Variants in LAMB4 observed in about 807,000 individuals in gnomAD.
The protein encoded by LAMB4 is laminin subunit beta 4.
Under a neutral mutation model 199.2 loss-of-function variants are expected in LAMB4, and 196 were observed. That is an observed-to-expected ratio of 0.98 (90% confidence interval 0.88 to 1.11). LAMB4 has a LOEUF of 1.11. Among genes scored for constraint, LAMB4 ranks in the 50% least tolerant of loss-of-function variants. The pLI, the probability that LAMB4 is intolerant of heterozygous loss-of-function variation, is 0.00. For synonymous variants in LAMB4, 744 were observed against 770.6 expected, an observed-to-expected ratio of 0.97 and a Z score of 0.57; for missense variants, 2,080 against 2,171.2, an observed-to-expected ratio of 0.96 and a Z score of 0.83.
chr7:108,116,308 A>G, intron 2 of LAMB4, 147 bp from the exon 3 acceptor site: 1 of 733,808 alleles, frequency 1.4e-6, no homozygotes, highest in South Asian at 2.8e-5. Context: ...AATAGATGAC[A>G]AATGGTCCCT....
intron 14 of LAMB4, among the ~76,000 whole-genome samples, chr7:108,082,788 CTA>C (rs1167540326): frequency 1.3e-5 from 2 of 152,272 alleles, no homozygotes; most frequent in African/African-American, 4.8e-5. Context: ...CATAAAAACA[CTA>C]TTGCAAATCA....
intron 25 of LAMB4, among the ~76,000 whole-genome samples, chr7:108,053,401 C>T (rs2035886043): frequency 6.6e-6 from 1 of 152,194 alleles, no homozygotes; most frequent in East Asian, 1.9e-4. Flanking sequence ...AATAGAACTA[C>T]ATGAGGCCTG....
chr7:108,044,955 CAAAAAAAAAA>C (rs756256335), intron 28 of LAMB4, among the ~76,000 whole-genome samples: 2 of 56,578 alleles, frequency 3.5e-5, no homozygotes, highest in African/African-American at 7.7e-5. Flanking sequence ...ATTCTTGTCT[CAAAAAAAAAA>C]AAAAAAAAAG....
chr7:108,046,916 C>A (rs1287730448), intron 28 of LAMB4, among the ~76,000 whole-genome samples: 5 of 150,974 alleles, frequency 3.3e-5, no homozygotes, highest in African/African-American at 9.7e-5. Flanking sequence ...TTATATATTT[C>A]TTTTATTATT....
At chr7:108,088,053 G>A (rs1018282351) in intron 14 of LAMB4, among the ~76,000 whole-genome samples, 1 of 152,130 alleles carries the variant, frequency 6.6e-6, no homozygotes, top group Non-Finnish European at 1.5e-5. Flanking sequence ...TCATCAGCAT[G>A]TAAGCTTTGC....
At chr7:108,126,474 C>CTTTTTTTT (rs1195603244) in intron 1 of LAMB4, among the ~76,000 whole-genome samples, 1 of 148,068 alleles carries the variant, frequency 6.8e-6, no homozygotes, top group Non-Finnish European at 1.5e-5. Flanking sequence ...CAATATTTGT[C>CTTTTTTTT]TTTTTTGTGA....
At chr7:108,043,113 T>C (rs1426225134) in intron 29 of LAMB4, among the ~76,000 whole-genome samples, 1 of 152,128 alleles carries the variant, frequency 6.6e-6, no homozygotes, top group East Asian at 1.9e-4. Flanking sequence ...CAGCTACTTT[T>C]GGTCAGCCAC....
chr7:108,065,148 T>C (rs1455355011), intron 21 of LAMB4, among the ~76,000 whole-genome samples: 1 of 152,124 alleles, frequency 6.6e-6, no homozygotes, highest in African/African-American at 2.4e-5. Context: ...CCTCAAGTAA[T>C]CCTCCCTCAC....
intron 24 of LAMB4, among the ~76,000 whole-genome samples, chr7:108,057,608 G>A (rs534939807): frequency 1.3e-5 from 2 of 152,216 alleles, no homozygotes; most frequent in South Asian, 2.1e-4. Flanking sequence ...GACAGGCTAC[G>A]AATTTTAATA....
intron 30 of LAMB4, among the ~76,000 whole-genome samples, chr7:108,035,575 C>A (rs2150495424): frequency 2.1e-5 from 2 of 95,342 alleles, no homozygotes; most frequent in Non-Finnish European, 2.1e-5. Flanking sequence ...TTTCAATGTA[C>A]TGCTTATTAT....
intron 31 of LAMB4, 146 bp from the exon 32 acceptor site, chr7:108,031,125 ATAT>A: frequency 1.7e-6 from 1 of 582,440 alleles, no homozygotes; most frequent in East Asian, 3.0e-5. Context: ...TTTATTTAAA[ATAT>A]TATAATAAAA....
chr7:108,034,302 T>G lies in LAMB4; in HGVS notation c.4724A>C (p.Gln1575Pro). 3 of 1,612,502 alleles carry G rather than the reference T, an allele frequency of 1.9e-6. No individual in the cohort carries two copies. The highest frequency in any genetic ancestry group is 2.5e-6 in the Non-Finnish European group (3 of 1,178,526). ...ILLNLDKTLNQLQQAQITQGR... is the reference protein window; with the variant it reads ...ILLNLDKTLNPLQQAQITQGR... ...TTGAGTGATTTGAGCTTGTTGTAAC[T>G]GGTTCAATGTTTTGTCAAGATTTAA... Residue 1575 changes from glutamine (Q) to proline (P), a missense_variant, in exon 31 of 34, where the codon CAG (glutamine) becomes CCG (proline). Gln to Pro is a moderately conservative substitution (Grantham distance 76). Transcript: ENST00000388781.
rs2038019469 is a variant in LAMB4, at chr7:108,106,528, AG to A, written c.635del (p.Pro212LeufsTer10). ...VLDPSFEIENPYSPYIQDLVT... is the reference protein window; with the variant it reads ...VLDPSFEIENXYSPYIQDLVT... ...TCATACCTTGGATGTAGGGGCTATAAGGGTTTTCAATTTCAAAACTGGGATC... is the reference window on the plus strand; with the variant it reads ...TCATACCTTGGATGTAGGGGCTATAAGGTTTTCAATTTCAAAACTGGGATC... On this transcript the variant is annotated frameshift_variant, in exon 7 of 34. Coordinates refer to ENST00000388781, the MANE Select transcript of LAMB4 (RefSeq NM_007356.3). LOFTEE classifies it high-confidence loss of function. 2 of 1,584,002 alleles carry A rather than the reference AG, an allele frequency of 1.3e-6. No individual in the cohort carries two copies. Among genetic ancestry groups the A allele is most frequent in the African/African-American group, 1.3e-5 (1 of 74,278 alleles).
At chr7:108,034,819 C>A (rs768952394) in intron 30 of LAMB4, among the ~76,000 whole-genome samples, 2 of 152,110 alleles carry the variant, frequency 1.3e-5, no homozygotes, top group Non-Finnish European at 2.9e-5. Flanking sequence ...CACTGACATT[C>A]CAGCCACTAA....
Position 108,106,548 on chromosome 7 carries a change from T to A in LAMB4, c.616A>T (p.Ser206Cys). The change falls in exon 7 of 34, where the codon AGT becomes TGT. Residue 206 changes from serine to cysteine, a missense_variant. Ser to Cys is a moderately radical substitution (Grantham distance 112, BLOSUM62 -1). Coordinates refer to ENST00000388781, the MANE Select transcript of LAMB4 (RefSeq NM_007356.3). ...GEVVLKVLDP[S>C]FEIENPYSPY... is the part of the protein sequence containing the mutation. Reference sequence around the variant, plus strand: ...CTATAAGGGTTTTCAATTTCAAAACTGGGATCCAAAACTTTTAAAACAACC... The same window carrying A: ...CTATAAGGGTTTTCAATTTCAAAACAGGGATCCAAAACTTTTAAAACAACC... 6.3e-7 allele frequency: 1 copy of A among 1,580,464 alleles called. No homozygotes were observed. The highest frequency in any genetic ancestry group is 1.1e-5 in the South Asian group (1 of 89,464).
intron 25 of LAMB4, among the ~76,000 whole-genome samples, chr7:108,055,229 C>A (rs1313123772): frequency 1.3e-5 from 2 of 151,568 alleles, no homozygotes; most frequent in African/African-American, 4.9e-5. Context: ...TCTTGTCGCC[C>A]AGGCTGCAGT....
At chr7:108,110,502 C>T (rs1219015453) in intron 4 of LAMB4, among the ~76,000 whole-genome samples, 1 of 152,178 alleles carries the variant, frequency 6.6e-6, no homozygotes. Context: ...CGGGGTTCAG[C>T]CTAGAGTTCT....
chr7:108,114,146 G>C (rs945813525), intron 3 of LAMB4, among the ~76,000 whole-genome samples: 1 of 152,246 alleles, frequency 6.6e-6, no homozygotes, highest in Non-Finnish European at 1.5e-5. Flanking sequence ...ATATTGGAAA[G>C]TGGCGGTGGC....
At chr7:108,065,683 A>T in intron 21 of LAMB4, 79 bp downstream of exon 21, 2 of 1,188,982 alleles carry the variant, frequency 1.7e-6, no homozygotes, top group Non-Finnish European at 2.4e-6. Context: ...AAGACAGATA[A>T]GTCATGAATA....
Sources: gnomAD v4.1 joint callset for allele counts (sites outside exome capture counted in the v4.1 genomes callset) on GRCh38, gnomAD v4.1.1 for gene constraint, MANE v1.5 for transcripts, NCBI Gene and HGNC (gene_info 2026-07-23, HGNC 2026-07-21) for gene names.